Variants in KDM2B observed in about 807,000 individuals in gnomAD.
KDM2B encodes lysine demethylase 2B.
A neutral mutation model predicts 150.0 loss-of-function variants in KDM2B; 26 were observed. The observed-to-expected ratio is 0.17, with a 90% CI of 0.13 to 0.24. The LOEUF (loss-of-function observed/expected upper bound fraction) is 0.24, where lower values mean the gene tolerates loss of function less well. KDM2B is among the 10% of genes least tolerant of loss of function. The pLI is 1.00. For missense variants in KDM2B, 1,265 were observed against 1,816.9 expected (o/e 0.70, Z 5.52); for synonymous variants, 734 against 729.5 (o/e 1.01, Z -0.10).
At chr12:121,432,568 A>G (rs1873236650) in intron 22 of KDM2B, among the ~76,000 whole-genome samples, 1 of 152,156 alleles carries the variant, frequency 6.6e-6, no homozygotes, top group Non-Finnish European at 1.5e-5. Context: ...TCCCACATTC[A>G]CACTTGTCAT....
In KDM2B at chr12:121,442,854, G is replaced by C. The variant is rs946731562; in HGVS notation, c.2605-18C>G. ...GACCGCCGCTGAGGGCGAGAGCGGA[G>C]ACGCGTCAGCCTCTGGGGCTCAGGG... On this transcript the variant is annotated intron_variant, in intron 18 of 22. Transcript: ENST00000377071. The surrounding 1 kb of genome is among the most constrained non-coding windows in gnomAD (Gnocchi z 7.7). 2 of 1,516,782 alleles carry C rather than the reference G, an allele frequency of 1.3e-6. No homozygotes were observed. The highest frequency in any genetic ancestry group is 1.8e-6 in the Non-Finnish European group (2 of 1,137,330). 94.0% of individuals were successfully genotyped at this position (1,516,782 alleles called of 1,614,324 possible). A position where few individuals can be genotyped will look rare whatever the true frequency, so the allele number is the denominator to read the frequency against.
intron 12 of KDM2B, among the ~76,000 whole-genome samples, chr12:121,460,078 T>C (rs1202704307): frequency 6.6e-6 from 1 of 152,188 alleles, no homozygotes; most frequent in Non-Finnish European, 1.5e-5. Context: ...ATGCTTAACA[T>C]CACTAACTAA....
At chr12:121,446,064 C>G (rs1720237454) in intron 13 of KDM2B, among the ~76,000 whole-genome samples, 1 of 152,176 alleles carries the variant, frequency 6.6e-6, no homozygotes. Context: ...CCCCAGCTCA[C>G]CAGCAGCCAT....
At chr12:121,525,858 GC>G (rs1414402730) in intron 8 of KDM2B, among the ~76,000 whole-genome samples, 1 of 152,160 alleles carries the variant, frequency 6.6e-6, no homozygotes, top group Non-Finnish European at 1.5e-5. Flanking sequence ...ATAACTTTAG[GC>G]CAGCCCAAGT....
intron 4 of KDM2B, among the ~76,000 whole-genome samples, chr12:121,552,782 C>G (rs1354325503): frequency 1.3e-5 from 2 of 152,020 alleles, no homozygotes; most frequent in African/African-American, 2.4e-5. Flanking sequence ...GTTTTGGCGT[C>G]TGGAGTGCAG....
chr12:121,464,302 G>C (rs1466709748), intron 12 of KDM2B, among the ~76,000 whole-genome samples: 2 of 152,220 alleles, frequency 1.3e-5, no homozygotes, highest in Non-Finnish European at 2.9e-5. Context: ...CTTCAACTTG[G>C]AAAGCAAGCT....
At chr12:121,488,916 T>C (rs1593923507) in intron 12 of KDM2B, among the ~76,000 whole-genome samples, 3 of 152,062 alleles carry the variant, frequency 2.0e-5, no homozygotes, top group Admixed American at 2.0e-4. Context: ...GCAATTCTCC[T>C]TCCTGCCTGA....
At chr12:121,580,733 G>C in intron 1 of KDM2B, 53 bp downstream of exon 1, 1 of 1,572,232 alleles carries the variant, frequency 6.4e-7, no homozygotes, top group Non-Finnish European at 8.6e-7. Context: ...TGCCCTCATT[G>C]CCCAGGGCTA....
chr12:121,579,577 G>A (rs1555317520), intron 1 of KDM2B: 3 of 1,288,870 alleles, frequency 2.3e-6, no homozygotes, highest in Middle Eastern at 2.1e-4. Flanking sequence ...CAGACGGCCC[G>A]CCACAAAGCT....
intron 8 of KDM2B, 87 bp downstream of exon 8, chr12:121,532,719 G>A: frequency 7.0e-7 from 1 of 1,422,366 alleles, no homozygotes; most frequent in East Asian, 2.3e-5. Context: ...AAACCCACCA[G>A]GCCCAGAGCA....
At chr12:121,535,845 G>GCA (rs1888044907) in intron 6 of KDM2B, among the ~76,000 whole-genome samples, 1 of 151,960 alleles carries the variant, frequency 6.6e-6, no homozygotes, top group Non-Finnish European at 1.5e-5. Flanking sequence ...GGAGGAGGGG[G>GCA]CACAGAGAAG....
At chr12:121,497,116 T>C (rs1566339604) in intron 11 of KDM2B, among the ~76,000 whole-genome samples, 1 of 152,084 alleles carries the variant, frequency 6.6e-6, no homozygotes. Context: ...GTCAAGAATG[T>C]TGGCTCTAGA....
chr12:121,581,487 C>T (rs1413522718), upstream of KDM2B, among the ~76,000 whole-genome samples: 1 of 152,224 alleles, frequency 6.6e-6, no homozygotes, highest in Non-Finnish European at 1.5e-5. Context: ...GTCCTCCCAT[C>T]ATGAGCAACA....
chr12:121,482,028 G>A lies in KDM2B; in HGVS notation c.1734+12551C>T, dbSNP rs367740190. Among the ~76,000 whole-genome samples the A allele has an allele frequency of 9.9e-5, 15 of 152,160 alleles. No individual in the cohort carries two copies. In the East Asian group the frequency reaches 1.4e-3, roughly 14 times the overall value. ...ACTCCTGACCTCAGGTGATCCACCC[G>A]CCTCGGCCTCCCAAAGTGCAGGGAT... On this transcript the variant is annotated intron_variant, in intron 12 of 22. Coordinates refer to ENST00000377071, the MANE Select transcript of KDM2B (RefSeq NM_032590.5).
the KDM2B span, among the ~76,000 whole-genome samples, chr12:121,421,201 T>C: frequency 6.6e-6 from 1 of 151,700 alleles, no homozygotes; most frequent in Non-Finnish European, 1.5e-5. Context: ...GCATCAACTA[T>C]CTGTAGATTT....
chr12:121,458,494 C>G (rs1428998269), intron 12 of KDM2B, among the ~76,000 whole-genome samples: 3 of 128,182 alleles, frequency 2.3e-5, no homozygotes, highest in African/African-American at 9.0e-5. Flanking sequence ...ATGGCCAAAA[C>G]AATCTTAAAA....
At chr12:121,481,906 G>A (rs1431439680) in intron 12 of KDM2B, among the ~76,000 whole-genome samples, 2 of 152,146 alleles carry the variant, frequency 1.3e-5, no homozygotes, top group African/African-American at 2.4e-5. Flanking sequence ...AGCCTCCCAA[G>A]TAGCTGGGAT....
At chr12:121,569,216 C>T (rs1890924514) in intron 4 of KDM2B, among the ~76,000 whole-genome samples, 1 of 152,228 alleles carries the variant, frequency 6.6e-6, no homozygotes, top group South Asian at 2.1e-4. Flanking sequence ...TTTCAGTCCA[C>T]GTGGTTCTGC....
intron 4 of KDM2B, among the ~76,000 whole-genome samples, chr12:121,559,449 A>G (rs1211704935): frequency 6.6e-6 from 1 of 152,124 alleles, no homozygotes; most frequent in African/African-American, 2.4e-5. Context: ...TGGACAGGTC[A>G]CCTGTTCATG....
Sources: gnomAD v4.1 joint callset for allele counts (sites outside exome capture counted in the v4.1 genomes callset) on GRCh38, gnomAD v4.1.1 for gene constraint, Gnocchi (gnomAD v3.1) non-coding constraint, MANE v1.5 for transcripts, NCBI Gene and HGNC (gene_info 2026-07-23, HGNC 2026-07-21) for gene names.